Variants in PVT1 observed in about 807,000 individuals in gnomAD.
The protein encoded by PVT1 is CXCR4/PVT1 fusion.
chr8:127,821,970 G>A (rs1814735308), intron 2 of PVT1, among the ~76,000 whole-genome samples: 1 of 152,198 alleles, frequency 6.6e-6, no homozygotes, highest in South Asian at 2.1e-4. Flanking sequence ...GTGTGGATGA[G>A]GCTGTCTGGG....
chr8:127,962,999 G>T (rs980711702), intron 3 of PVT1, among the ~76,000 whole-genome samples: 1 of 152,166 alleles, frequency 6.6e-6, no homozygotes, highest in Non-Finnish European at 1.5e-5. Flanking sequence ...GGGAAGAGGA[G>T]GTGTTTGGAA....
At chr8:128,061,011 G>A (rs1339641136) in intron 4 of PVT1, among the ~76,000 whole-genome samples, 2 of 149,898 alleles carry the variant, frequency 1.3e-5, no homozygotes, top group East Asian at 2.0e-4. Context: ...CCAGGTTCAA[G>A]TGATTCTCCT....
intron 5 of PVT1, among the ~76,000 whole-genome samples, chr8:128,073,128 C>A (rs896320669): frequency 2.0e-5 from 3 of 152,046 alleles, no homozygotes; most frequent in East Asian, 3.9e-4. Context: ...CCACCGCACC[C>A]GGCCCACCTG....
chr8:127,936,605 A>G (rs1010477685), intron 3 of PVT1, among the ~76,000 whole-genome samples: 2 of 152,164 alleles, frequency 1.3e-5, no homozygotes, highest in African/African-American at 4.8e-5. Context: ...GCCTTGGAGA[A>G]ATCATTTCCC....
chr8:128,008,885 G>C, intron 4 of PVT1: 1 of 515,690 alleles, frequency 1.9e-6, no homozygotes, highest in Non-Finnish European at 4.1e-6. Flanking sequence ...AGGCTTACAT[G>C]CTTTTTTCAT....
intron 4 of PVT1, among the ~76,000 whole-genome samples, chr8:128,000,490 C>T (rs4733820): frequency 0.3 from 46,177 of 152,080 alleles, 7,344 homozygotes; most frequent in East Asian, 0.5. Flanking sequence ...AATGTTTTGA[C>T]TATGGTCCTT....
intron 3 of PVT1, chr8:127,947,748 T>C (rs1477907007): frequency 2.2e-6 from 1 of 456,538 alleles, no homozygotes; most frequent in Non-Finnish European, 4.4e-6. Context: ...GAAAAGGCGA[T>C]GATCACAGTC....
chr8:127,842,812 G>A (rs1277781308), intron 2 of PVT1, among the ~76,000 whole-genome samples: 3 of 152,184 alleles, frequency 2.0e-5, no homozygotes, highest in Non-Finnish European at 4.4e-5. Context: ...GGGTCACCAA[G>A]TCACAGAGGC....
At chr8:127,816,525 T>C (rs1814661899) in intron 2 of PVT1, among the ~76,000 whole-genome samples, 1 of 149,102 alleles carries the variant, frequency 6.7e-6, no homozygotes, top group African/African-American at 2.5e-5. Context: ...TTTTTTTTTC[T>C]TTTTTTTTTG....
intron 6 of PVT1, among the ~76,000 whole-genome samples, chr8:128,096,807 AT>A (rs1186870169): frequency 1.3e-5 from 2 of 152,210 alleles, no homozygotes; most frequent in Non-Finnish European, 2.9e-5. Context: ...CACACAGTCC[AT>A]TGTCATTGTC....
At chr8:127,845,028 A>G (rs1368486616) in intron 2 of PVT1, among the ~76,000 whole-genome samples, 1 of 152,158 alleles carries the variant, frequency 6.6e-6, no homozygotes, top group Non-Finnish European at 1.5e-5. Flanking sequence ...TGTGTTTTAC[A>G]TGCATCTCAC....
intron 3 of PVT1, among the ~76,000 whole-genome samples, chr8:127,939,233 G>T (rs1438623860): frequency 2.0e-5 from 3 of 152,162 alleles, no homozygotes; most frequent in South Asian, 4.1e-4. Context: ...CAAAGGTGGG[G>T]CTGTGGCCCT....
At chr8:128,024,140 C>A (rs1001584178) in intron 4 of PVT1, among the ~76,000 whole-genome samples, 2 of 152,230 alleles carry the variant, frequency 1.3e-5, no homozygotes, top group Non-Finnish European at 2.9e-5. Flanking sequence ...CAGCAGGCAT[C>A]CAGGTGAAGC....
rs1397632178 is a variant in PVT1 at position 128,035,516 on chromosome 8, G to A, written n.913-34644G>A. Among the ~76,000 whole-genome samples, 4 of 152,152 alleles carry A rather than the reference G, an allele frequency of 2.6e-5. No homozygotes were observed. In the South Asian group the frequency reaches 8.3e-4, roughly 32 times the overall value. ...GTTTATTGAGCCTTGCTAGGTGCTG[G>A]GAATGTGATGACGAGTAAGACAGTG... On this transcript the variant is annotated intron_variant and non_coding_transcript_variant, in intron 4 of 10. Coordinates refer to ENST00000651587, the Ensembl canonical transcript of PVT1.
chr8:128,099,218 T>C (rs1320829397), intron 6 of PVT1, among the ~76,000 whole-genome samples: 1 of 152,232 alleles, frequency 6.6e-6, no homozygotes, highest in Non-Finnish European at 1.5e-5. Flanking sequence ...CTAGCCGATA[T>C]GGAATTGTGA....
chr8:127,918,262 G>A lies in PVT1; in HGVS notation n.782+27264G>A, dbSNP rs915686046. On this transcript the variant is annotated intron_variant and non_coding_transcript_variant, in intron 3 of 10. Transcript: ENST00000651587. ...GACAAGTCCTGACTTTCCTGGTGGAGGGGATGTTCCTGGGGGTGTGGAACT... is the reference window on the plus strand; with the variant it reads ...GACAAGTCCTGACTTTCCTGGTGGAAGGGATGTTCCTGGGGGTGTGGAACT... Among the ~76,000 whole-genome samples, 5 of 152,306 alleles carry A rather than the reference G, an allele frequency of 3.3e-5. No homozygotes were observed. The East Asian group carries it at 9.7e-4, about 29-fold the overall frequency.
At chr8:127,803,845 C>A (rs540130403) in intron 2 of PVT1, among the ~76,000 whole-genome samples, 1 of 151,942 alleles carries the variant, frequency 6.6e-6, no homozygotes, top group African/African-American at 2.4e-5. Context: ...CTCAGCCTTC[C>A]GAGTAGCTGG....
At chr8:127,818,465 C>T (rs1032843872) in intron 2 of PVT1, among the ~76,000 whole-genome samples, 2 of 152,110 alleles carry the variant, frequency 1.3e-5, no homozygotes, top group African/African-American at 2.4e-5. Flanking sequence ...GGAGAGGGAC[C>T]CGGTTCATCA....
intron 5 of PVT1, among the ~76,000 whole-genome samples, chr8:128,075,513 T>G (rs117130855): frequency 0.01 from 1,586 of 152,290 alleles, 14 homozygotes; most frequent in Admixed American, 0.021. Flanking sequence ...AAATTAAAAA[T>G]TTTCCACAAA....
Sources: gnomAD v4.1 joint callset for allele counts (sites outside exome capture counted in the v4.1 genomes callset) on GRCh38, gnomAD v4.1.1 for gene constraint, MANE v1.5 for transcripts, NCBI Gene and HGNC (gene_info 2026-07-23, HGNC 2026-07-21) for gene names.